The following RCAN2 variants were observed in gnomAD, a reference collection of about 807,000 sequenced individuals.
The protein encoded by RCAN2 is regulator of calcineurin 2.
Under a neutral mutation model 23.6 loss-of-function variants are expected in RCAN2, and 9 were observed. The ratio of observed to expected loss-of-function variants is 0.38; its 90% CI spans 0.23 to 0.67. The LOEUF is 0.67. RCAN2 is among the 30% of genes least tolerant of loss of function. The pLI, the probability that RCAN2 is intolerant of heterozygous loss-of-function variation, is 0.51. For synonymous variants in RCAN2, 109 were observed against 115.7 expected (o/e 0.94, Z 0.37); for missense variants, 273 against 302.3 (o/e 0.90, Z 0.72).
chr6:46,227,431 C>T (rs548558529), intron 4 of RCAN2, among the ~76,000 whole-genome samples: 4 of 151,980 alleles, frequency 2.6e-5, no homozygotes, highest in East Asian at 3.9e-4. Flanking sequence ...TTTTTTGGTT[C>T]GTAGGCTATC....
At chr6:46,286,516 T>C (rs1762377846) in intron 2 of RCAN2, among the ~76,000 whole-genome samples, 1 of 152,220 alleles carries the variant, frequency 6.6e-6, no homozygotes, top group Non-Finnish European at 1.5e-5. Context: ...AGCAGAAATA[T>C]ATGAGAAAGG....
rs1416568843 is a variant in RCAN2 at position 46,262,623 on chromosome 6, G to T, written c.226-13727C>A. On this transcript the variant is annotated intron_variant, in intron 2 of 4. Transcript: ENST00000371374. ...AAATAAATAAATAAATAAAGCAAAA[G>T]AGAAAATTCTGATTATACCATTCCT... Among the ~76,000 whole-genome samples the T allele has an allele frequency of 4.8e-5, 3 of 62,726 alleles. No homozygotes were observed. In the South Asian group the frequency reaches 1.3e-3, roughly 28 times the overall value. 41.2% of individuals were successfully genotyped at this position (62,726 alleles called of 152,430 possible). A position where few individuals can be genotyped will look rare whatever the true frequency, so the allele number is the denominator to read the frequency against.
At chr6:46,479,961 A>G (rs1768811948) in intron 1 of RCAN2, among the ~76,000 whole-genome samples, 1 of 152,230 alleles carries the variant, frequency 6.6e-6, no homozygotes, top group Non-Finnish European at 1.5e-5. Context: ...GAGGCAAATT[A>G]CATAAGTCCA....
At chr6:46,342,742 G>A (rs1236936372) in intron 2 of RCAN2, among the ~76,000 whole-genome samples, 2 of 151,700 alleles carry the variant, frequency 1.3e-5, no homozygotes, top group African/African-American at 2.4e-5. Context: ...GTGGGAGAAA[G>A]AATTTGCCAT....
At chr6:46,353,378 T>C (rs1278849113) in intron 2 of RCAN2, among the ~76,000 whole-genome samples, 4 of 152,008 alleles carry the variant, frequency 2.6e-5, no homozygotes. Flanking sequence ...TTGAAAGAAC[T>C]TGAGATACCA....
chr6:46,360,533 C>CAA (rs765916099), intron 2 of RCAN2, among the ~76,000 whole-genome samples: 1,534 of 33,454 alleles, frequency 0.046, 351 homozygotes, highest in Middle Eastern at 0.11. Context: ...GACTCCGTCT[C>CAA]AAAAAAAAAA....
chr6:46,323,103 A>G (rs1367923432), intron 2 of RCAN2, among the ~76,000 whole-genome samples: 1 of 152,200 alleles, frequency 6.6e-6, no homozygotes, highest in Non-Finnish European at 1.5e-5. Context: ...GTGGGAGGGA[A>G]AACATTTTCT....
intron 1 of RCAN2, among the ~76,000 whole-genome samples, chr6:46,469,707 T>C (rs942369709): frequency 6.6e-6 from 1 of 152,202 alleles, no homozygotes; most frequent in African/African-American, 2.4e-5. Flanking sequence ...GCTTGTGCTA[T>C]GTTATGAATG....
In RCAN2 at chr6:46,443,023, G is replaced by GA. The variant is rs200016884; in HGVS notation, c.225+13728dup. Among the ~76,000 whole-genome samples the GA allele has an allele frequency of 3.6e-4, 55 of 151,570 alleles. No individual in the cohort carries two copies. The East Asian group carries it at 5.4e-3, about 15-fold the overall frequency. On this transcript the variant is annotated intron_variant, in intron 2 of 4. Coordinates refer to ENST00000371374, the MANE Select transcript of RCAN2 (RefSeq NM_001251974.2). ...TTATGGGTCTCAGTCACTGTTCAGG[G>GA]AAAAAAAACAAAACAAAACAGATTT... is the stretch of plus-strand genomic sequence containing the variant.
chr6:46,272,387 A>C (rs1010621845), intron 2 of RCAN2, among the ~76,000 whole-genome samples: 8 of 152,206 alleles, frequency 5.3e-5, no homozygotes, highest in African/African-American at 1.9e-4. Context: ...TTCTGTCATC[A>C]TAGAACCTGT....
At chr6:46,489,325 T>C (rs1769075765) in intron 1 of RCAN2, among the ~76,000 whole-genome samples, 2 of 152,364 alleles carry the variant, frequency 1.3e-5, no homozygotes, top group Middle Eastern at 3.4e-3. Context: ...CATTACCATT[T>C]ATTTTCTTCT....
intron 2 of RCAN2, among the ~76,000 whole-genome samples, chr6:46,252,350 T>C (rs574013292): frequency 6.6e-6 from 1 of 152,318 alleles, no homozygotes; most frequent in South Asian, 2.1e-4. Flanking sequence ...CTCCCATTTT[T>C]CTCCAGTTGT....
At chr6:46,266,120 A>AC (rs905366910) in intron 2 of RCAN2, among the ~76,000 whole-genome samples, 5 of 152,076 alleles carry the variant, frequency 3.3e-5, no homozygotes, top group Non-Finnish European at 7.4e-5. Context: ...TCTCAGCAAG[A>AC]CCCCCCAGAT....
intron 2 of RCAN2, among the ~76,000 whole-genome samples, chr6:46,449,179 T>C (rs561573704): frequency 2.0e-5 from 3 of 151,568 alleles, no homozygotes; most frequent in Non-Finnish European, 4.4e-5. Context: ...TTCTATATAC[T>C]AACAAGGAAC....
At chr6:46,361,773 C>T (rs1765022775) in intron 2 of RCAN2, among the ~76,000 whole-genome samples, 1 of 152,112 alleles carries the variant, frequency 6.6e-6, no homozygotes, top group South Asian at 2.1e-4. Context: ...ATTATGGAGT[C>T]ACTGCTCCTA....
chr6:46,252,485 C>T (rs947815879), intron 2 of RCAN2, among the ~76,000 whole-genome samples: 1 of 152,182 alleles, frequency 6.6e-6, no homozygotes, highest in Non-Finnish European at 1.5e-5. Flanking sequence ...CCTCTTTACA[C>T]TCTTAATAAT....
At chr6:46,225,287 G>A (rs570546760) in intron 4 of RCAN2, among the ~76,000 whole-genome samples, 3 of 152,028 alleles carry the variant, frequency 2.0e-5, no homozygotes, top group Non-Finnish European at 4.4e-5. Context: ...TAATCCTTTG[G>A]GTATATACCC....
intron 2 of RCAN2, among the ~76,000 whole-genome samples, chr6:46,414,211 C>T (rs928773463): frequency 6.6e-6 from 1 of 152,146 alleles, no homozygotes; most frequent in Non-Finnish European, 1.5e-5. Context: ...TGCATAGACT[C>T]TTATGCAGAT....
intron 2 of RCAN2, among the ~76,000 whole-genome samples, chr6:46,356,162 A>G (rs551174380): frequency 1.1e-4 from 17 of 152,338 alleles, no homozygotes; most frequent in Admixed American, 9.8e-4. Flanking sequence ...CAACTGAAGA[A>G]GTGGAACGCC....
Sources: gnomAD v4.1 joint callset for allele counts (sites outside exome capture counted in the v4.1 genomes callset) on GRCh38, gnomAD v4.1.1 for gene constraint, MANE v1.5 for transcripts, NCBI Gene and HGNC (gene_info 2026-07-23, HGNC 2026-07-21) for gene names.